SRD5A2: variants seen among roughly 807,000 people sequenced by gnomAD.
The protein encoded by SRD5A2 is steroid 5 alpha-reductase 2.
In SRD5A2, 30 loss-of-function variants were observed where a neutral mutation model predicts 27.4. That is an observed-to-expected ratio of 1.10 (90% CI 0.82 to 1.49). The LOEUF (loss-of-function observed/expected upper bound fraction) is 1.49. Ranked by LOEUF, SRD5A2 falls within the 40% of genes most tolerant of loss-of-function variation. The pLI is 0.00. For missense variants in SRD5A2, 348 were observed against 323.4 expected (o/e 1.08, Z -0.58); for synonymous variants, 141 against 133.6 (o/e 1.06, Z -0.38).
the SRD5A2 span, among the ~76,000 whole-genome samples, chr2:31,655,603 C>T: frequency 6.6e-6 from 1 of 152,146 alleles, no homozygotes; most frequent in Non-Finnish European, 1.5e-5. Flanking sequence ...AAACAGACCA[C>T]TCATGAGCAC....
the SRD5A2 span, among the ~76,000 whole-genome samples, chr2:31,622,556 G>T: frequency 2.6e-5 from 4 of 152,114 alleles, no homozygotes; most frequent in African/African-American, 9.7e-5. Context: ...GTGCAGTCGG[G>T]CATCGTCGTG....
At chr2:31,607,504 GA>G in the SRD5A2 span, among the ~76,000 whole-genome samples, 31 of 144,962 alleles carry the variant, frequency 2.1e-4, no homozygotes, top group African/African-American at 2.3e-4. Context: ...TAAAATACTG[GA>G]AAAAAAAAAG....
chr2:31,652,077 G>GC, the SRD5A2 span, among the ~76,000 whole-genome samples: 1 of 152,118 alleles, frequency 6.6e-6, no homozygotes, highest in Non-Finnish European at 1.5e-5. Context: ...TCCCACCTTA[G>GC]CCCCCCAGTA....
chr2:31,609,152 T>A, the SRD5A2 span, among the ~76,000 whole-genome samples: 1 of 152,058 alleles, frequency 6.6e-6, no homozygotes, highest in African/African-American at 2.4e-5. Flanking sequence ...AAAAATAAAT[T>A]CCTGTTTTTT....
chr2:31,592,088 T>C, the SRD5A2 span, among the ~76,000 whole-genome samples: 1 of 148,738 alleles, frequency 6.7e-6, no homozygotes, highest in East Asian at 2.0e-4. Flanking sequence ...AAAGTATAAT[T>C]TAAAAAAAAA....
chr2:31,586,358 T>C, the SRD5A2 span, among the ~76,000 whole-genome samples: 1 of 152,232 alleles, frequency 6.6e-6, no homozygotes, highest in Admixed American at 6.5e-5. Flanking sequence ...GGCACAGACC[T>C]GGATGGCTTT....
chr2:31,562,048 C>G (rs1240888103), intron 1 of SRD5A2, among the ~76,000 whole-genome samples: 2 of 152,048 alleles, frequency 1.3e-5, no homozygotes, highest in East Asian at 3.9e-4. Flanking sequence ...CTCAGCAAGC[C>G]TATGAAGAGC....
chr2:31,536,266 G>A (rs1195042623), intron 1 of SRD5A2, among the ~76,000 whole-genome samples: 1 of 152,188 alleles, frequency 6.6e-6, no homozygotes, highest in Non-Finnish European at 1.5e-5. Context: ...GCTCACTACT[G>A]TAACAAACAA....
At chr2:31,658,489 G>A in the SRD5A2 span, among the ~76,000 whole-genome samples, 1 of 151,084 alleles carries the variant, frequency 6.6e-6, no homozygotes, top group South Asian at 2.1e-4. Flanking sequence ...AAGAAAAGGA[G>A]AAAGAAGATC....
At chr2:31,652,071 A>G in the SRD5A2 span, among the ~76,000 whole-genome samples, 2 of 152,124 alleles carry the variant, frequency 1.3e-5, no homozygotes, top group African/African-American at 2.4e-5. Flanking sequence ...CAATCCTCCC[A>G]CCTTAGCCCC....
chr2:31,585,248 A>G (rs1485412546), upstream of SRD5A2, among the ~76,000 whole-genome samples: 3 of 152,176 alleles, frequency 2.0e-5, no homozygotes, highest in Non-Finnish European at 4.4e-5. Flanking sequence ...CAATTCTTAG[A>G]CAAGTCCTAG....
chr2:31,597,442 A>G, the SRD5A2 span, among the ~76,000 whole-genome samples: 3 of 152,116 alleles, frequency 2.0e-5, no homozygotes, highest in African/African-American at 7.2e-5. Context: ...AAAATCCAAA[A>G]ACAAAGATAA....
At chr2:31,617,986 CT>C in the SRD5A2 span, among the ~76,000 whole-genome samples, 7 of 152,310 alleles carry the variant, frequency 4.6e-5, no homozygotes, top group East Asian at 1.3e-3. Flanking sequence ...CTGTATTAGT[CT>C]GTTCTCATGA....
rs904307280 is a variant in SRD5A2, at chr2:31,580,477, G to A, written c.281+143C>T. 17 of 1,074,248 alleles carry A rather than the reference G, an allele frequency of 1.6e-5. No homozygotes were observed. The African/African-American group carries it at 1.6e-4, about 10-fold the overall frequency. The allele number at this position is 1,074,248 out of a possible 1,614,324, so 66.5% of individuals were successfully genotyped here. A position where few individuals can be genotyped will look rare whatever the true frequency, so the allele number is the denominator to read the frequency against. Reference sequence around the variant, plus strand: ...CCCGGCCCCGGCCCCCGCCAGGTGCGCCAGGCAGGCTGGCCTCCGCGTTCC... The same window carrying A: ...CCCGGCCCCGGCCCCCGCCAGGTGCACCAGGCAGGCTGGCCTCCGCGTTCC... On this transcript the variant is annotated intron_variant, in intron 1 of 4. Transcript: ENST00000622030.
At position 31,523,958 on chromosome 2, in the gene SRD5A2, T is replaced by C. The variant is rs3731586; in HGVS notation, c.*2238A>G. 0.13 allele frequency: 28,754 copies of C among 217,676 alleles called. 2,167 individuals carry two copies. The highest frequency in any genetic ancestry group is 0.2 in the African/African-American group (8,963 of 44,510). The allele number at this position is 217,676 out of a possible 1,614,324, so 13.5% of individuals were successfully genotyped here. On this transcript the variant is annotated 3_prime_UTR_variant, in exon 5 of 5. Transcript: ENST00000622030. ...TCTACCCTATATTCAGATTAAGAAG[T>C]TCCACGATCATGCTAACTTGAAAGG...
the SRD5A2 span, among the ~76,000 whole-genome samples, chr2:31,624,265 TAC>T: frequency 1.3e-5 from 2 of 152,086 alleles, no homozygotes; most frequent in Non-Finnish European, 1.5e-5. Flanking sequence ...CTTTAAAATG[TAC>T]AGTTAAATTA....
the SRD5A2 span, among the ~76,000 whole-genome samples, chr2:31,590,598 C>T: frequency 1.3e-5 from 2 of 151,996 alleles, no homozygotes; most frequent in Admixed American, 6.6e-5. Context: ...TCATATGGAA[C>T]CAAAAAAGAG....
the SRD5A2 span, among the ~76,000 whole-genome samples, chr2:31,595,884 G>T: frequency 6.6e-6 from 1 of 152,144 alleles, no homozygotes. Flanking sequence ...TAGCTGGGAC[G>T]CAGGGTTGGC....
intron 1 of SRD5A2, among the ~76,000 whole-genome samples, chr2:31,556,070 C>A (rs1224337854): frequency 6.6e-6 from 1 of 152,182 alleles, no homozygotes; most frequent in Non-Finnish European, 1.5e-5. Flanking sequence ...CTTGTTGGAG[C>A]TCTCTATATG....
Sources: gnomAD v4.1 joint callset for allele counts (sites outside exome capture counted in the v4.1 genomes callset) on GRCh38, gnomAD v4.1.1 for gene constraint, MANE v1.5 for transcripts, NCBI Gene and HGNC (gene_info 2026-07-23, HGNC 2026-07-21) for gene names.